The following EXT2 variants were observed in gnomAD, a reference collection of about 807,000 sequenced individuals.
EXT2 encodes exostosin glycosyltransferase 2.
A neutral mutation model predicts 81.6 loss-of-function variants in EXT2; 53 were observed. That is an observed-to-expected ratio of 0.65 (90% CI 0.52 to 0.82). The LOEUF is 0.82. Ranked by LOEUF, EXT2 falls within the 40% of genes least tolerant of loss-of-function variation. The pLI is 0.00. For missense variants in EXT2, 774 were observed against 910.2 expected (o/e 0.85, Z 1.93); for synonymous variants, 320 against 340.0 (o/e 0.94, Z 0.65).
Position 44,111,675 on chromosome 11 carries a change from G to A in EXT2, c.626+2392G>A, listed in dbSNP as rs960068327. 2.2e-4 allele frequency among the ~76,000 whole-genome samples: 34 copies of A among 152,070 alleles called. 2 individuals are homozygous for A. Among genetic ancestry groups the A allele is most frequent in the Admixed American group, 2.2e-3 (33 of 15,276 alleles). ...AAATTTCACACCTATATAAAGAAGC[G>A]AGACTAGTACAGTGAACACCACATA... On this transcript the variant is annotated intron_variant, in intron 3 of 13. Coordinates refer to ENST00000533608, the MANE Select transcript of EXT2 (RefSeq NM_207122.2).
chr11:44,184,060 A>G (rs1222881129), intron 8 of EXT2, among the ~76,000 whole-genome samples: 1 of 152,200 alleles, frequency 6.6e-6, no homozygotes, highest in Non-Finnish European at 1.5e-5. Flanking sequence ...TATTTTCCAG[A>G]GAATTTGTTT....
chr11:44,124,960 C>G lies in EXT2; in HGVS notation c.915C>G (p.Val305=). The G allele has an allele frequency of 6.2e-7, 1 of 1,613,288 alleles. No individual in the cohort carries two copies. Among genetic ancestry groups the G allele is most frequent in the Non-Finnish European group, 8.5e-7 (1 of 1,180,020 alleles). ...SVRKRCHKHQ[V]FDYPQVLQEA... is the part of the protein sequence containing the mutation. ...GTAAGCGCTGCCACAAGCACCAGGT[C>G]TTCGATTACCCACAGGTGCTACAGG... Residue 305 remains valine, a synonymous_variant, in exon 5 of 14, where the codon GTC becomes GTG. Transcript: ENST00000533608.
At chr11:44,216,511 A>G (rs1955721191) in intron 10 of EXT2, among the ~76,000 whole-genome samples, 1 of 152,140 alleles carries the variant, frequency 6.6e-6, no homozygotes, top group Non-Finnish European at 1.5e-5. Flanking sequence ...TTAATGGAGG[A>G]GAGAGAGCCG....
chr11:44,109,888 T>C (rs1315962438), intron 3 of EXT2, among the ~76,000 whole-genome samples: 2 of 152,230 alleles, frequency 1.3e-5, no homozygotes, highest in Non-Finnish European at 2.9e-5. Context: ...ACTGTATTTA[T>C]CTGCCCTTTC....
In EXT2 at chr11:44,149,038, T is replaced by G. The variant is rs764066658; in HGVS notation, c.1173+18900T>G. On this transcript the variant is annotated intron_variant, in intron 7 of 13. Transcript: ENST00000533608. ...CTAATTGCAAGTTTACTTGTCTTAT[T>G]CCAAACTCCATGGCATGACTTAGAG... Among the ~76,000 whole-genome samples, 82 of 152,308 alleles carry G rather than the reference T, an allele frequency of 5.4e-4. 1 individual carries two copies. Among genetic ancestry groups the G allele is most frequent in the Non-Finnish European group, 7.4e-4 (50 of 68,022 alleles).
At chr11:44,141,290 A>G (rs959242688) in intron 7 of EXT2, among the ~76,000 whole-genome samples, 6 of 152,218 alleles carry the variant, frequency 3.9e-5, no homozygotes, top group African/African-American at 1.2e-4. Context: ...AATTTTATGT[A>G]TGTTCAGTAC....
At chr11:44,208,797 A>G (rs1479464856) in intron 10 of EXT2, among the ~76,000 whole-genome samples, 3 of 152,218 alleles carry the variant, frequency 2.0e-5, no homozygotes, top group Non-Finnish European at 2.9e-5. Context: ...CACATAGCTA[A>G]TAAGTGGAAG....
At chr11:44,194,162 T>C (rs1354031649) in intron 8 of EXT2, among the ~76,000 whole-genome samples, 2 of 152,226 alleles carry the variant, frequency 1.3e-5, no homozygotes, top group African/African-American at 4.8e-5. Context: ...GTTGGCATTC[T>C]CCCCTCTTCT....
At chr11:44,096,668 A>C (rs907434431) in intron 1 of EXT2, among the ~76,000 whole-genome samples, 1 of 152,242 alleles carries the variant, frequency 6.6e-6, no homozygotes, top group Non-Finnish European at 1.5e-5. Flanking sequence ...CTGGGCTTCA[A>C]CTTGAAGTCC....
chr11:44,226,754 G>A (rs1177874537), intron 10 of EXT2, among the ~76,000 whole-genome samples: 2 of 152,234 alleles, frequency 1.3e-5, no homozygotes, highest in Non-Finnish European at 2.9e-5. Flanking sequence ...ATTCAAAGAT[G>A]CTTTTGCATA....
chr11:44,149,257 G>T (rs1037026520), intron 7 of EXT2, among the ~76,000 whole-genome samples: 1 of 152,186 alleles, frequency 6.6e-6, no homozygotes, highest in African/African-American at 2.4e-5. Flanking sequence ...AGCTACTCGA[G>T]AGGCTGAGGT....
In EXT2 at chr11:44,198,004, A is replaced by C; in HGVS notation, c.1481A>C (p.Lys494Thr). The C allele has an allele frequency of 6.2e-7, 1 of 1,614,066 alleles. No homozygotes were observed. Among genetic ancestry groups the C allele is most frequent in the Middle Eastern group, 1.7e-4 (1 of 6,058 alleles). ...KLLVVWNNQNKNPPEDSLWPK... is the reference protein window; with the variant it reads ...KLLVVWNNQNTNPPEDSLWPK... Reference sequence around the variant, plus strand: ...CTTGTCGTCTGGAATAATCAGAATAAAAACCCTCCAGAAGGTAAGAAGCCT... The same window carrying C: ...CTTGTCGTCTGGAATAATCAGAATACAAACCCTCCAGAAGGTAAGAAGCCT... The change falls in exon 9 of 14, where the codon AAA (lysine) becomes ACA (threonine). Residue 494 changes from lysine (K) to threonine (T), a missense_variant. Lys to Thr is a moderately conservative substitution (Grantham distance 78, BLOSUM62 -1). Coordinates refer to ENST00000533608, the MANE Select transcript of EXT2 (RefSeq NM_207122.2).
At chr11:44,235,509 G>A (rs1368545974) in intron 12 of EXT2, among the ~76,000 whole-genome samples, 3 of 151,916 alleles carry the variant, frequency 2.0e-5, no homozygotes, top group African/African-American at 7.3e-5. Flanking sequence ...GCCTCCCAAA[G>A]TGCTAAGATT....
intron 4 of EXT2, among the ~76,000 whole-genome samples, chr11:44,123,879 C>A (rs561782517): frequency 1.3e-5 from 2 of 151,314 alleles, no homozygotes; most frequent in South Asian, 4.2e-4. Flanking sequence ...GTTTCCATAT[C>A]TGTCTCTTGT....
intron 1 of EXT2, among the ~76,000 whole-genome samples, chr11:44,105,685 C>A (rs1590544740): frequency 6.6e-6 from 1 of 152,196 alleles, no homozygotes; most frequent in Non-Finnish European, 1.5e-5. Flanking sequence ...CAGCCACACT[C>A]AAGGCTCTGC....
intron 13 of EXT2, among the ~76,000 whole-genome samples, chr11:44,236,991 A>C (rs1377316461): frequency 2.6e-5 from 4 of 152,330 alleles, no homozygotes; most frequent in Admixed American, 2.6e-4. Flanking sequence ...TTCCGTTAAG[A>C]CTATACTAGA....
Position 44,107,896 on chromosome 11 carries a change from A to G in EXT2, c.184A>G (p.Ser62Gly), listed in dbSNP as rs1954080537. Reference protein sequence around the residue: ...SSNDWNVEKRSIRDVPVVRLP... With the variant: ...SSNDWNVEKRGIRDVPVVRLP... ...AAATGACTGGAATGTAGAGAAGCGC[A>G]GCATCCGTGATGTGCCGGTTGTTAG... is the stretch of plus-strand genomic sequence containing the variant. The change falls in exon 2 of 14, where the codon AGC becomes GGC. Residue 62 changes from serine to glycine, a missense_variant. Transcript: ENST00000533608. The G allele has an allele frequency of 6.2e-7, 1 of 1,614,200 alleles. No individual in the cohort carries two copies. The highest frequency in any genetic ancestry group is 1.7e-5 in the Admixed American group (1 of 60,026).
intron 10 of EXT2, among the ~76,000 whole-genome samples, chr11:44,223,771 C>T (rs1302335134): frequency 6.6e-6 from 1 of 151,592 alleles, no homozygotes; most frequent in Non-Finnish European, 1.5e-5. Flanking sequence ...CTGCCTCAGC[C>T]TCCCTAGTAG....
intron 7 of EXT2, among the ~76,000 whole-genome samples, chr11:44,162,989 C>CCAGG (rs1954947269): frequency 6.6e-6 from 1 of 152,072 alleles, no homozygotes; most frequent in South Asian, 2.1e-4. Flanking sequence ...GTATATTAAC[C>CCAGG]TTTTTGCTTC....
Sources: gnomAD v4.1 joint callset for allele counts (sites outside exome capture counted in the v4.1 genomes callset) on GRCh38, gnomAD v4.1.1 for gene constraint, MANE v1.5 for transcripts, NCBI Gene and HGNC (gene_info 2026-07-23, HGNC 2026-07-21) for gene names.